Variants in KSR2 observed in about 807,000 individuals in gnomAD.
The protein encoded by KSR2 is kinase suppressor of ras 2.
In KSR2, 25 loss-of-function variants were observed where a neutral mutation model predicts 107.8. The ratio of observed to expected loss-of-function variants is 0.23; its 90% CI spans 0.17 to 0.32. The LOEUF is 0.32. Ranked by LOEUF, KSR2 falls within the 10% of genes least tolerant of loss-of-function variation. The pLI, the probability that KSR2 is intolerant of heterozygous loss-of-function variation, is 1.00. For missense variants in KSR2, 887 were observed against 1,268.9 expected, an observed-to-expected ratio of 0.70 and a Z score of 4.57; for synonymous variants, 480 against 507.0, an observed-to-expected ratio of 0.95 and a Z score of 0.71.
intron 5 of KSR2, among the ~76,000 whole-genome samples, chr12:117,606,285 C>T (rs1428127111): frequency 7.1e-6 from 1 of 140,372 alleles, no homozygotes; most frequent in East Asian, 2.3e-4. Context: ...CTCTCCCCTC[C>T]TCCTTCCCTT....
At chr12:117,821,867 T>C (rs537405393) in intron 3 of KSR2, among the ~76,000 whole-genome samples, 2 of 152,306 alleles carry the variant, frequency 1.3e-5, no homozygotes, top group East Asian at 3.9e-4. Context: ...AACTCCATCT[T>C]GAACAGAAGT....
chr12:117,731,617 AAGAG>A (rs1012890640), intron 4 of KSR2, among the ~76,000 whole-genome samples: 2 of 152,162 alleles, frequency 1.3e-5, no homozygotes, highest in Non-Finnish European at 2.9e-5. Flanking sequence ...GGGGAAAAGA[AAGAG>A]AGATCAGACT....
chr12:117,828,172 C>T (rs1039765252), intron 3 of KSR2, among the ~76,000 whole-genome samples: 2 of 152,160 alleles, frequency 1.3e-5, no homozygotes, highest in African/African-American at 4.8e-5. Context: ...CCGCTGCGTC[C>T]CCAGGGCCTA....
At chr12:117,838,232 A>G (rs1432614516) in intron 3 of KSR2, among the ~76,000 whole-genome samples, 1 of 152,248 alleles carries the variant, frequency 6.6e-6, no homozygotes, top group African/African-American at 2.4e-5. Flanking sequence ...CAATGGCACA[A>G]TCTCAGCTCA....
Position 117,524,823 on chromosome 12 carries a change from C to T in KSR2, c.2219+29G>A, listed in dbSNP as rs190384306. On this transcript the variant is annotated intron_variant, in intron 14 of 19. Transcript: ENST00000339824. ...ATGCCAGAAGCAGAGTTTTGCCAAT[C>T]CCTGGGTAGAAGCCCAGGTGGAACT... 8.9e-6 allele frequency: 14 copies of T among 1,573,112 alleles called. 1 individual carries two copies. The African/African-American group carries it at 1.4e-4, about 15-fold the overall frequency.
intron 5 of KSR2, among the ~76,000 whole-genome samples, chr12:117,618,730 T>C (rs1229955506): frequency 6.6e-6 from 1 of 152,124 alleles, no homozygotes; most frequent in African/African-American, 2.4e-5. Context: ...TCTGCCACCA[T>C]GTAAGAATGT....
At chr12:117,506,811 A>G (rs942306242) in intron 14 of KSR2, among the ~76,000 whole-genome samples, 2 of 152,150 alleles carry the variant, frequency 1.3e-5, no homozygotes, top group African/African-American at 4.8e-5. Flanking sequence ...ATGTCAGTAG[A>G]TCAATAGATA....
chr12:117,950,746 AAAAAAT>A (rs1305226331), intron 1 of KSR2, among the ~76,000 whole-genome samples: 3 of 55,550 alleles, frequency 5.4e-5, no homozygotes, highest in Non-Finnish European at 1.1e-4. Flanking sequence ...GTAAAAAAAA[AAAAAAT>A]AATAATAATA....
chr12:117,748,434 A>C (rs1888491029), intron 4 of KSR2, among the ~76,000 whole-genome samples: 1 of 152,178 alleles, frequency 6.6e-6, no homozygotes, highest in Non-Finnish European at 1.5e-5. Context: ...CACTGAGAGT[A>C]AATTTGAAAT....
At chr12:117,503,418 T>C (rs765792475) in intron 14 of KSR2, among the ~76,000 whole-genome samples, 2 of 152,152 alleles carry the variant, frequency 1.3e-5, no homozygotes, top group Non-Finnish European at 2.9e-5. Context: ...CAGTGAAAAG[T>C]AGGATGTTTT....
chr12:117,792,489 C>CT (rs1308518188), intron 3 of KSR2, among the ~76,000 whole-genome samples: 1 of 152,226 alleles, frequency 6.6e-6, no homozygotes, highest in Admixed American at 6.5e-5. Flanking sequence ...TTGGGAGCCT[C>CT]TATCTCAGAG....
rs1330764583 is a variant in KSR2, at chr12:117,642,596, C to T, written c.1171+24878G>A. ...TCCTCATTTACAAAAGGAGAAGACTCAGACTCCACCTTCCCCAAAGGTTGT... is the reference window on the plus strand; with the variant it reads ...TCCTCATTTACAAAAGGAGAAGACTTAGACTCCACCTTCCCCAAAGGTTGT... On this transcript the variant is annotated intron_variant, in intron 5 of 19. Transcript: ENST00000339824. Among the ~76,000 whole-genome samples the T allele has an allele frequency of 3.3e-5, 5 of 152,296 alleles. No homozygotes were observed. In the East Asian group the frequency reaches 5.8e-4, roughly 18 times the overall value.
At chr12:117,918,656 C>T (rs977474764) in intron 1 of KSR2, among the ~76,000 whole-genome samples, 4 of 151,734 alleles carry the variant, frequency 2.6e-5, no homozygotes, top group Non-Finnish European at 5.9e-5. Context: ...GGCGTGGTGG[C>T]GCATGCCCGT....
intron 17 of KSR2, among the ~76,000 whole-genome samples, chr12:117,472,392 G>A (rs1196082450): frequency 6.6e-6 from 1 of 152,218 alleles, no homozygotes; most frequent in Admixed American, 6.5e-5. Context: ...GAGGACCACA[G>A]TGGATGAAAC....
At chr12:117,503,104 G>T (rs1873476701) in intron 14 of KSR2, among the ~76,000 whole-genome samples, 1 of 152,082 alleles carries the variant, frequency 6.6e-6, no homozygotes, top group African/African-American at 2.4e-5. Context: ...AGAGGGGAGA[G>T]AACTTATTAG....
At chr12:117,914,824 C>T (rs570762143) in intron 1 of KSR2, among the ~76,000 whole-genome samples, 1 of 152,262 alleles carries the variant, frequency 6.6e-6, no homozygotes, top group South Asian at 2.1e-4. Context: ...GCATGAGCCA[C>T]TGCGCCCAGC....
intron 4 of KSR2, among the ~76,000 whole-genome samples, chr12:117,688,932 T>C (rs754531460): frequency 9.9e-5 from 15 of 152,178 alleles, no homozygotes; most frequent in Non-Finnish European, 1.9e-4. Flanking sequence ...GCCTCCTTTT[T>C]CCTTCCTTGC....
intron 5 of KSR2, among the ~76,000 whole-genome samples, chr12:117,609,343 A>C (rs1413526594): frequency 6.6e-6 from 1 of 152,264 alleles, no homozygotes; most frequent in East Asian, 1.9e-4. Flanking sequence ...TCAGTGCTCC[A>C]TGAAGAATAT....
intron 1 of KSR2, among the ~76,000 whole-genome samples, chr12:117,962,975 G>A (rs372508433): frequency 2.1e-5 from 3 of 145,780 alleles, no homozygotes; most frequent in East Asian, 2.1e-4. Context: ...ACTGGAGGTC[G>A]GGAGTTTGAG....
Sources: gnomAD v4.1 joint callset for allele counts (sites outside exome capture counted in the v4.1 genomes callset) on GRCh38, gnomAD v4.1.1 for gene constraint, MANE v1.5 for transcripts, NCBI Gene and HGNC (gene_info 2026-07-23, HGNC 2026-07-21) for gene names.